Variants in APBB2 observed in about 807,000 individuals in gnomAD.
APBB2 encodes the protein amyloid beta precursor protein binding family B member 2, also known as Fe65-like 1.
A neutral mutation model predicts 82.5 loss-of-function variants in APBB2; 38 were observed. The ratio of observed to expected loss-of-function variants is 0.46; its 90% confidence interval spans 0.36 to 0.60. The LOEUF (loss-of-function observed/expected upper bound fraction) is 0.60, where lower values mean the gene tolerates loss of function less well. Among genes scored for constraint, APBB2 ranks in the 20% least tolerant of loss-of-function variants. The pLI is 0.00. For missense variants in APBB2, 772 were observed against 972.3 expected (o/e 0.79, Z 2.74); for synonymous variants, 341 against 368.2 (o/e 0.93, Z 0.85).
At chr4:40,888,552 C>T (rs1354158699) in intron 12 of APBB2, among the ~76,000 whole-genome samples, 10 of 150,054 alleles carry the variant, frequency 6.7e-5, no homozygotes, top group African/African-American at 2.5e-4. Context: ...CACTTTGGCC[C>T]CTGTCTCGCA....
At position 40,948,738 on chromosome 4, in the gene APBB2, TGA is replaced by T. The variant is rs1789149802; in HGVS notation, c.836-3667_836-3666del. ...TTGTGCCATTGTACTCCAATCTGGG[TGA>T]CAGAGTGAGACTCCCATCTTAAAAA... On this transcript the variant is annotated intron_variant, in intron 6 of 17. Coordinates refer to ENST00000508593, the MANE Select transcript of APBB2 (RefSeq NM_004307.2). Among the ~76,000 whole-genome samples the T allele has an allele frequency of 2.4e-5, 3 of 122,550 alleles. No homozygotes were observed. In the South Asian group the frequency reaches 7.7e-4, roughly 31 times the overall value. 80.4% of individuals were successfully genotyped at this position (122,550 alleles called of 152,430 possible). A position where few individuals can be genotyped will look rare whatever the true frequency, so the allele number is the denominator to read the frequency against.
At chr4:41,040,055 A>G (rs1720752036) in intron 4 of APBB2, among the ~76,000 whole-genome samples, 1 of 152,056 alleles carries the variant, frequency 6.6e-6, no homozygotes. Flanking sequence ...AACGTTCACA[A>G]ATAGTAGGCT....
At position 40,975,787 on chromosome 4, in the gene APBB2, C is replaced by CACACACACACACA. The variant is rs778948957; in HGVS notation, c.836-30715_836-30714insTGTGTGTGTGTGT. Among the ~76,000 whole-genome samples, 393 of 150,534 alleles carry CACACACACACACA rather than the reference C, an allele frequency of 2.6e-3. 1 individual carries two copies. Among genetic ancestry groups the CACACACACACACA allele is most frequent in the Non-Finnish European group, 4.0e-3 (271 of 67,832 alleles). On this transcript the variant is annotated intron_variant, in intron 6 of 17. Transcript: ENST00000508593. ...ACACACACACACACACACACACACACACAACAACCACTCTACTTTCCCCTA... is the reference window on the plus strand; with the variant it reads ...ACACACACACACACACACACACACACACACACACACACAACAACAACCACTCTACTTTCCCCTA...
At chr4:40,857,788 T>C (rs895820398) in intron 12 of APBB2, among the ~76,000 whole-genome samples, 12 of 149,566 alleles carry the variant, frequency 8.0e-5, no homozygotes, top group Non-Finnish European at 1.5e-4. Flanking sequence ...ACGATCCTGA[T>C]TGTGGGGCGA....
At chr4:40,831,945 C>T (rs1289156379) in intron 12 of APBB2, among the ~76,000 whole-genome samples, 1 of 151,240 alleles carries the variant, frequency 6.6e-6, no homozygotes, top group African/African-American at 2.4e-5. Context: ...TCAATGTTAA[C>T]ATTGGAAGAC....
chr4:41,196,822 A>C, intron 1 of APBB2, among the ~76,000 whole-genome samples: 1 of 152,126 alleles, frequency 6.6e-6, no homozygotes, highest in Non-Finnish European at 1.5e-5. Context: ...ACTAAGTGAG[A>C]CCACAGTTGA....
rs548975784 is a variant in APBB2 at position 40,811,845 on chromosome 4, C to T, written c.*4247G>A. On this transcript the variant is annotated 3_prime_UTR_variant, in exon 18 of 18. Transcript: ENST00000508593. ...GGGACATACTTTAAATTCTGTTTAT[C>T]TGCCTTCCTGCGCCTAACAGTTAAG... is the stretch of plus-strand genomic sequence containing the variant. The T allele has an allele frequency of 6.6e-6, 1 of 152,336 alleles. No individual in the cohort carries two copies. The highest frequency in any genetic ancestry group is 1.5e-5 in the Non-Finnish European group (1 of 68,028). 9.4% of individuals were successfully genotyped at this position (152,336 alleles called of 1,614,324 possible). A position where few individuals can be genotyped will look rare whatever the true frequency, so the allele number is the denominator to read the frequency against.
chr4:41,060,417 T>C (rs974068469), intron 4 of APBB2, among the ~76,000 whole-genome samples: 8 of 152,200 alleles, frequency 5.3e-5, no homozygotes, highest in Non-Finnish European at 1.2e-4. Context: ...TTATTAAGCA[T>C]TTATTCAGCG....
intron 3 of APBB2, among the ~76,000 whole-genome samples, chr4:41,077,053 G>A (rs1025992451): frequency 3.3e-5 from 5 of 151,472 alleles, no homozygotes; most frequent in East Asian, 1.9e-4. Context: ...GGCCCAGGCT[G>A]GAGTGCAGTG....
chr4:41,045,484 G>T (rs143394803), intron 4 of APBB2, among the ~76,000 whole-genome samples: 4 of 151,930 alleles, frequency 2.6e-5, no homozygotes, highest in African/African-American at 7.3e-5. Context: ...AGTAGAGACG[G>T]GGTTTCACCG....
chr4:41,000,935 G>A (rs1386973828), intron 6 of APBB2, among the ~76,000 whole-genome samples: 1 of 152,190 alleles, frequency 6.6e-6, no homozygotes, highest in Non-Finnish European at 1.5e-5. Context: ...TCCTGGAAGA[G>A]GCTGAGGCTT....
chr4:40,959,013 A>AGTTCTCT, intron 6 of APBB2, among the ~76,000 whole-genome samples: 1 of 152,296 alleles, frequency 6.6e-6, no homozygotes, highest in East Asian at 1.9e-4. Flanking sequence ...CCACCCACCT[A>AGTTCTCT]ATGAGTGACA....
chr4:40,834,815 C>A (rs980006459), intron 12 of APBB2, among the ~76,000 whole-genome samples: 1 of 152,028 alleles, frequency 6.6e-6, no homozygotes, highest in Non-Finnish European at 1.5e-5. Flanking sequence ...CACAGCCCAG[C>A]CAACACTGGG....
intron 10 of APBB2, among the ~76,000 whole-genome samples, chr4:40,915,204 C>A (rs1560889773): frequency 6.6e-6 from 1 of 152,194 alleles, no homozygotes; most frequent in Non-Finnish European, 1.5e-5. Context: ...TCCCAATCTA[C>A]CTGCTTCCCT....
In APBB2 at chr4:40,816,154, G is replaced by C. The variant is rs752482685; in HGVS notation, c.2218C>G (p.Arg740Gly). 2 of 1,614,160 alleles carry C rather than the reference G, an allele frequency of 1.2e-6. No individual in the cohort carries two copies. The highest frequency in any genetic ancestry group is 4.5e-5 in the East Asian group (2 of 44,890). ...VTRRVTTNVK[R>G]GVLSLIDTLK... The stretch of plus-strand genomic sequence containing the variant: ...GTGTCAATGAGGGATAAGACCCCTC[G>C]TTTTACATTGGTTGTGACTCTTCTG... The change falls in exon 18 of 18, where the codon CGA becomes GGA. Residue 740 changes from arginine to glycine, a missense_variant. Physicochemically the swap from Arg to Gly is moderately radical, Grantham distance 125. Coordinates refer to ENST00000508593, the MANE Select transcript of APBB2 (RefSeq NM_004307.2).
At chr4:41,009,782 TTTCTC>T (rs1807802322) in intron 6 of APBB2, among the ~76,000 whole-genome samples, 1 of 152,218 alleles carries the variant, frequency 6.6e-6, no homozygotes. Flanking sequence ...TTGCTCTCGT[TTTCTC>T]TTTTCTTTCA....
chr4:40,834,010 C>G (rs149729826), intron 12 of APBB2, among the ~76,000 whole-genome samples: 1 of 152,196 alleles, frequency 6.6e-6, no homozygotes, highest in African/African-American at 2.4e-5. Context: ...TTTCCTCTGG[C>G]GCAGAGCAAG....
chr4:41,077,061 G>GTGGTATAA (rs1432656400), intron 3 of APBB2, among the ~76,000 whole-genome samples: 8 of 151,214 alleles, frequency 5.3e-5, no homozygotes, highest in African/African-American at 1.9e-4. Flanking sequence ...CTGGAGTGCA[G>GTGGTATAA]TGGTATAATA....
At chr4:41,167,959 G>C (rs1767125661) in intron 1 of APBB2, among the ~76,000 whole-genome samples, 1 of 152,234 alleles carries the variant, frequency 6.6e-6, no homozygotes, top group South Asian at 2.1e-4. Context: ...AACTGACAAT[G>C]AGCATGTTTA....
Sources: allele counts gnomAD v4.1 joint callset (sites outside exome capture counted in the v4.1 genomes callset), GRCh38; gene constraint gnomAD v4.1.1; transcripts MANE v1.5; gene names NCBI Gene and HGNC (gene_info 2026-07-23, HGNC 2026-07-21).